The following PRR13 variants were observed in gnomAD, a reference collection of about 807,000 sequenced individuals.
PRR13 encodes the protein proline-rich protein 13.
PRR13 carries 7 observed loss-of-function variants against 11.5 expected under a neutral mutation model. The ratio of observed to expected loss-of-function variants is 0.61; its 90% confidence interval spans 0.34 to 1.14. The LOEUF is 1.14. Among genes scored for constraint, PRR13 ranks in the 50% most tolerant of loss-of-function variants. PRR13 has a pLI of 0.03. For missense variants in PRR13, 155 were observed against 194.4 expected (o/e 0.80, Z 1.21); for synonymous variants, 53 against 67.8 (o/e 0.78, Z 1.07).
In PRR13 at chr12:53,441,773, G is replaced by A. The variant is rs180927034; in HGVS notation, c.-40G>A. On this transcript the variant is annotated 5_prime_UTR_variant, in exon 1 of 4. Transcript: ENST00000429243. ...GAGACTGCGAAGGAGAACGCAGCAA[G>A]CCCAGGCGGCGGTGGAAAGGTGATG... 4.3e-6 allele frequency: 3 copies of A among 702,200 alleles called. No homozygotes were observed. The highest frequency in any genetic ancestry group is 3.5e-5 in the African/African-American group (2 of 57,248). The allele number at this position is 702,200 out of a possible 1,614,324, so 43.5% of individuals were successfully genotyped here. A position where few individuals can be genotyped will look rare whatever the true frequency, so the allele number is the denominator to read the frequency against.
chr12:53,442,403 C>T (rs1232293427), intron 1 of PRR13: 2 of 296,710 alleles, frequency 6.7e-6, no homozygotes, highest in African/African-American at 4.9e-5. Context: ...CGCCACCGCG[C>T]CCGGCTAATT....
At chr12:53,445,407 A>C (rs997865297) in intron 3 of PRR13, among the ~76,000 whole-genome samples, 2 of 152,028 alleles carry the variant, frequency 1.3e-5, no homozygotes, top group Non-Finnish European at 2.9e-5. Context: ...AGTGGGGAAA[A>C]GCGGGAGAAA....
At chr12:53,443,176 C>T (rs930415292) in intron 2 of PRR13, 3 of 499,902 alleles carry the variant, frequency 6.0e-6, no homozygotes, top group Non-Finnish European at 1.0e-5. Context: ...CTTTTGTCTT[C>T]CTCAGAGTTC....
rs773312001 is a variant in PRR13, at chr12:53,443,380, T to G, written c.20-11T>G. The stretch of plus-strand genomic sequence containing the variant: ...GGAATTCTAATGTTTATTCTCTGCT[T>G]CTTCCACCAGGGCAGCCAGGGCCAA... On this transcript the variant is annotated splice_polypyrimidine_tract_variant and intron_variant, in intron 2 of 3. Transcript: ENST00000429243. 2.5e-5 allele frequency: 35 copies of G among 1,391,248 alleles called. No individual in the cohort carries two copies. The highest frequency in any genetic ancestry group is 1.1e-4 in the South Asian group (6 of 52,326). 86.2% of individuals were successfully genotyped at this position (1,391,248 alleles called of 1,614,324 possible).
Position 53,446,015 on chromosome 12 carries a change from C to G in PRR13, c.403C>G (p.His135Asp), listed in dbSNP as rs1940392734. The part of the protein sequence containing the change: ...KHHKYHKHGK[H>D]SSSSSSSSSS... ...TCCCCTTTCCCCTTTCCCCTTGCAGCATTCCTCCTCTTCCTCCTCCTCTTC... is the reference window on the plus strand; with the variant it reads ...TCCCCTTTCCCCTTTCCCCTTGCAGGATTCCTCCTCTTCCTCCTCCTCTTC... The change falls in exon 4 of 4, where the codon CAT becomes GAT. Residue 135 changes from histidine to aspartate, a missense_variant and splice_region_variant. Transcript: ENST00000429243. 5.6e-6 allele frequency: 9 copies of G among 1,614,092 alleles called. No individual in the cohort carries two copies. The highest frequency in any genetic ancestry group is 7.6e-6 in the Non-Finnish European group (9 of 1,180,024).
At chr12:53,441,845 A>G (rs781718869) in intron 1 of PRR13, 53 bp downstream of exon 1, 29 of 702,102 alleles carry the variant, frequency 4.1e-5, no homozygotes, top group South Asian at 4.0e-4. Flanking sequence ...TGCTAGGTCA[A>G]GAGTCTCTTC....
chr12:53,443,065 C>G, intron 2 of PRR13: 1 of 365,252 alleles, frequency 2.7e-6, no homozygotes, highest in Non-Finnish European at 4.9e-6. Flanking sequence ...ACAATTTGGC[C>G]AGGCTGGTCT....
intron 1 of PRR13, chr12:53,442,028 T>C (rs1940301697): frequency 1.7e-6 from 1 of 587,386 alleles, no homozygotes; most frequent in Non-Finnish European, 3.0e-6. Context: ...GAAAGTTGTT[T>C]GAGATCCTTT....
chr12:53,443,811 C>T, intron 3 of PRR13, 38 bp downstream of exon 3: 1 of 1,558,482 alleles, frequency 6.4e-7, no homozygotes. Context: ...GAAGGAGTCC[C>T]CCCTCAGAGG....
Position 53,442,694 on chromosome 12 carries a change from G to A in PRR13, c.-20-1G>A, listed in dbSNP as rs1290817411. On this transcript the variant is annotated splice_acceptor_variant, in intron 1 of 3. Transcript: ENST00000429243. LOFTEE classifies it low-confidence loss of function (5UTR_SPLICE). ...TTTTTGCCTCATTTCTTTCTCCTCA[G>A]GCTGGAGGACACACCTAAACATGTG... 2.5e-6 allele frequency: 4 copies of A among 1,608,060 alleles called. No homozygotes were observed. Among genetic ancestry groups the A allele is most frequent in the Non-Finnish European group, 3.4e-6 (4 of 1,174,606 alleles).
chr12:53,443,288 G>A (rs967723264), intron 2 of PRR13, 103 bp from the exon 3 acceptor site: 13 of 1,189,560 alleles, frequency 1.1e-5, no homozygotes, highest in African/African-American at 9.3e-5. Flanking sequence ...TCATCTTTCC[G>A]TTTCCCTTTA....
chr12:53,446,001 C>CTTTCCCG lies in PRR13; in HGVS notation c.403-8_403-7insGTTTCCC, dbSNP rs778916998. 18 of 1,611,996 alleles carry CTTTCCCG rather than the reference C, an allele frequency of 1.1e-5. No homozygotes were observed. In the African/African-American group the frequency reaches 2.2e-4, roughly 19 times the overall value. ...GATGCTATCTTCTTTCCCCTTTCCCCTTTCCCCTTGCAGCATTCCTCCTCT... is the reference window on the plus strand; with the variant it reads ...GATGCTATCTTCTTTCCCCTTTCCCCTTTCCCGTTTCCCCTTGCAGCATTCCTCCTCT... On this transcript the variant is annotated splice_polypyrimidine_tract_variant and intron_variant, in intron 3 of 3. Transcript: ENST00000429243.
chr12:53,443,455 C>T lies in PRR13; in HGVS notation c.84C>T (p.His28=). The part of the protein sequence containing the change: ...IGCPGGSNPA[H]PPPINPPFPP... Reference sequence around the variant, plus strand: ...GCCCTGGAGGTTCCAATCCTGCCCACCCACCACCTATTAATCCACCCTTTC... The same window carrying T: ...GCCCTGGAGGTTCCAATCCTGCCCATCCACCACCTATTAATCCACCCTTTC... Residue 28 remains histidine (H), a synonymous_variant, in exon 3 of 4, where the codon CAC becomes CAT. Transcript: ENST00000429243. The T allele has an allele frequency of 6.9e-7, 1 of 1,445,746 alleles. No homozygotes were observed. Among genetic ancestry groups the T allele is most frequent in the Middle Eastern group, 2.4e-4 (1 of 4,210 alleles). 89.6% of individuals were successfully genotyped at this position (1,445,746 alleles called of 1,614,324 possible). A position where few individuals can be genotyped will look rare whatever the true frequency, so the allele number is the denominator to read the frequency against.
chr12:53,441,846 G>A (rs1198008358), intron 1 of PRR13, 54 bp downstream of exon 1: 1 of 702,162 alleles, frequency 1.4e-6, no homozygotes, highest in Non-Finnish European at 2.6e-6. Flanking sequence ...GCTAGGTCAA[G>A]AGTCTCTTCG....
rs780055329 is a variant in PRR13 at position 53,442,753 on chromosome 12, G to A, written c.19+20G>A. The A allele has an allele frequency of 1.9e-6, 3 of 1,603,484 alleles. No homozygotes were observed. The Admixed American group carries it at 5.0e-5, about 27-fold the overall frequency. Reference sequence around the variant, plus strand: ...ATGCCGGTAGGTGTTTGGGGGTTCTGTTCCACCCCTAACCCTTTTTCTGAT... The same window carrying A: ...ATGCCGGTAGGTGTTTGGGGGTTCTATTCCACCCCTAACCCTTTTTCTGAT... On this transcript the variant is annotated intron_variant, in intron 2 of 3. Coordinates refer to ENST00000429243, the MANE Select transcript of PRR13 (RefSeq NM_018457.4).
chr12:53,442,888 A>T, intron 2 of PRR13, 155 bp downstream of exon 2: 1 of 593,198 alleles, frequency 1.7e-6, no homozygotes, highest in Non-Finnish European at 2.7e-6. Context: ...AATTTAATTT[A>T]ATTTATTTAT....
chr12:53,444,873 C>T (rs898932735), intron 3 of PRR13, among the ~76,000 whole-genome samples: 6 of 151,444 alleles, frequency 4.0e-5, no homozygotes, highest in Admixed American at 2.0e-4. Context: ...ACTCCAGCCT[C>T]GGTGACAGAT....
At chr12:53,444,169 A>G (rs1288950295) in intron 3 of PRR13, 2 of 292,088 alleles carry the variant, frequency 6.8e-6, no homozygotes, top group Non-Finnish European at 1.3e-5. Context: ...TAATTAACAG[A>G]ATTAATCTGT....
chr12:53,443,189 T>C, intron 2 of PRR13: 1 of 521,820 alleles, frequency 1.9e-6, no homozygotes, highest in Non-Finnish European at 3.3e-6. Context: ...CAGAGTTCAC[T>C]GTCTCCCTCC....
Sources: gnomAD v4.1 joint callset for allele counts (sites outside exome capture counted in the v4.1 genomes callset) on GRCh38, gnomAD v4.1.1 for gene constraint, MANE v1.5 for transcripts, NCBI Gene and HGNC (gene_info 2026-07-23, HGNC 2026-07-21) for gene names.